Variants in GATAD2A observed in about 807,000 individuals in gnomAD.
GATAD2A encodes transcriptional repressor p66-alpha.
In GATAD2A, 12 loss-of-function variants were observed where a neutral mutation model predicts 68.5. That is an observed-to-expected ratio of 0.18 (90% CI 0.11 to 0.28). GATAD2A has a LOEUF of 0.28. Among genes scored for constraint, GATAD2A ranks in the 10% least tolerant of loss-of-function variants. The pLI is 1.00. For synonymous variants in GATAD2A, 410 were observed against 375.3 expected, an observed-to-expected ratio of 1.09 and a Z score of -1.07; for missense variants, 755 against 868.5, an observed-to-expected ratio of 0.87 and a Z score of 1.64.
At chr19:19,418,462 T>G (rs767244402) in intron 1 of GATAD2A, among the ~76,000 whole-genome samples, 1 of 152,192 alleles carries the variant, frequency 6.6e-6, no homozygotes, top group African/African-American at 2.4e-5. Context: ...TAGCAGCAGA[T>G]GGATGGAAGT....
At chr19:19,458,428 A>G (rs576187823) in intron 1 of GATAD2A, 2 of 152,368 alleles carry the variant, frequency 1.3e-5, no homozygotes, top group African/African-American at 4.8e-5. Context: ...CACATGCTTC[A>G]TGAGTCTAAT....
intron 7 of GATAD2A, 64 bp downstream of exon 7, chr19:19,496,283 A>AGCTC: frequency 1.4e-6 from 2 of 1,452,866 alleles, no homozygotes; most frequent in Non-Finnish European, 1.9e-6. Flanking sequence ...CTCCCCTTGG[A>AGCTC]CCCAGGTTCT....
intron 1 of GATAD2A, chr19:19,429,342 C>T (rs548082266): frequency 2.8e-4 from 148 of 525,596 alleles, no homozygotes; most frequent in African/African-American, 2.6e-3. Flanking sequence ...GGGAACGGTG[C>T]GTGCAAAGGT....
At position 19,500,693 on chromosome 19, in the gene GATAD2A, A is replaced by G. The variant is rs73532138; in HGVS notation, c.1205-425A>G. Among the ~76,000 whole-genome samples, 1,104 of 152,306 alleles carry G rather than the reference A, an allele frequency of 7.2e-3. 12 individuals carry two copies. Among genetic ancestry groups the G allele is most frequent in the African/African-American group, 0.024 (1,015 of 41,560 alleles). On this transcript the variant is annotated intron_variant, in intron 8 of 11. Coordinates refer to ENST00000683918, the MANE Select transcript of GATAD2A (RefSeq NM_001384528.1). ...CTGCCACTGAGTGACAATGTGATCTACAGGTCACTTGGTCTCTCTTGGCCT... is the reference window on the plus strand; with the variant it reads ...CTGCCACTGAGTGACAATGTGATCTGCAGGTCACTTGGTCTCTCTTGGCCT...
At chr19:19,476,903 A>G (rs1465553287) in intron 2 of GATAD2A, among the ~76,000 whole-genome samples, 1 of 152,140 alleles carries the variant, frequency 6.6e-6, no homozygotes, top group Non-Finnish European at 1.5e-5. Context: ...CTCTCTTAAG[A>G]TGAGCATATG....
intron 1 of GATAD2A, among the ~76,000 whole-genome samples, chr19:19,406,253 G>GC (rs2050230074): frequency 6.6e-6 from 1 of 151,946 alleles, no homozygotes; most frequent in South Asian, 2.1e-4. Context: ...GCCGGGCGGG[G>GC]GTCCCGGAAA....
At chr19:19,462,570 A>G (rs1001386742) in intron 1 of GATAD2A, among the ~76,000 whole-genome samples, 2 of 152,168 alleles carry the variant, frequency 1.3e-5, no homozygotes, top group Non-Finnish European at 2.9e-5. Context: ...TAGGCTTCAT[A>G]GTGAGCTGCT....
At chr19:19,392,480 C>T (rs1208684730) in intron 1 of GATAD2A, among the ~76,000 whole-genome samples, 2 of 151,454 alleles carry the variant, frequency 1.3e-5, no homozygotes, top group Non-Finnish European at 2.9e-5. Flanking sequence ...GCAACCTCCA[C>T]CTCCTGGGTT....
intron 2 of GATAD2A, chr19:19,474,096 A>C: frequency 3.0e-6 from 3 of 985,372 alleles, no homozygotes; most frequent in Non-Finnish European, 3.6e-6. Context: ...TTCTGTGCCA[A>C]AATGGGGCCA....
At chr19:19,455,309 G>C (rs1039531381) in intron 1 of GATAD2A, among the ~76,000 whole-genome samples, 10 of 152,090 alleles carry the variant, frequency 6.6e-5, no homozygotes, top group Admixed American at 6.6e-4. Context: ...GGGCAACACA[G>C]TGAAACCCCG....
intron 9 of GATAD2A, 109 bp from the exon 10 acceptor site, chr19:19,501,860 G>A: frequency 5.2e-6 from 4 of 765,770 alleles, no homozygotes; most frequent in Non-Finnish European, 8.8e-6. Context: ...ATCCCCACTT[G>A]GCGCCTAAAG....
intron 2 of GATAD2A, among the ~76,000 whole-genome samples, chr19:19,471,135 A>G (rs927927949): frequency 1.3e-5 from 2 of 151,964 alleles, no homozygotes; most frequent in Non-Finnish European, 2.9e-5. Flanking sequence ...GTGCACCTGT[A>G]GTCCCAGCTA....
At chr19:19,448,085 G>A (rs1008534439) in intron 1 of GATAD2A, among the ~76,000 whole-genome samples, 12 of 152,226 alleles carry the variant, frequency 7.9e-5, no homozygotes, top group Non-Finnish European at 1.0e-4. Flanking sequence ...GTAACCCTTC[G>A]TAGGCCACGT....
At chr19:19,470,102 A>G (rs1222245405) in intron 2 of GATAD2A, among the ~76,000 whole-genome samples, 10 of 151,666 alleles carry the variant, frequency 6.6e-5, no homozygotes, top group Non-Finnish European at 1.5e-4. Flanking sequence ...GATAAAAGAC[A>G]CTTTAAGACC....
intron 1 of GATAD2A, among the ~76,000 whole-genome samples, chr19:19,438,451 C>T (rs567382263): frequency 7.9e-5 from 12 of 152,300 alleles, no homozygotes; most frequent in Middle Eastern, 3.4e-3. Flanking sequence ...CACAGCCAGC[C>T]CAGGGAAGTG....
chr19:19,407,835 G>A (rs1431625400), intron 1 of GATAD2A, among the ~76,000 whole-genome samples: 1 of 152,198 alleles, frequency 6.6e-6, no homozygotes, highest in African/African-American at 2.4e-5. Flanking sequence ...TAGGATGTGG[G>A]AAATTTGCAA....
intron 1 of GATAD2A, chr19:19,436,270 C>A: frequency 1.0e-6 from 1 of 1,000,510 alleles, no homozygotes; most frequent in Non-Finnish European, 1.5e-6. Flanking sequence ...ACGCATCCAG[C>A]AGGCTTCGGT....
intron 1 of GATAD2A, among the ~76,000 whole-genome samples, chr19:19,386,459 T>A (rs1433857577): frequency 6.7e-6 from 1 of 149,892 alleles, no homozygotes; most frequent in East Asian, 2.0e-4. Context: ...AGGCAGGGGA[T>A]CCCATCTTTC....
chr19:19,416,242 C>T (rs930685306), intron 1 of GATAD2A, among the ~76,000 whole-genome samples: 2 of 152,202 alleles, frequency 1.3e-5, no homozygotes, highest in Non-Finnish European at 2.9e-5. Context: ...GCACTGGGCT[C>T]CAGTGGTTGA....
Sources: allele counts gnomAD v4.1 joint callset (sites outside exome capture counted in the v4.1 genomes callset), GRCh38; gene constraint gnomAD v4.1.1; transcripts MANE v1.5; gene names NCBI Gene and HGNC (gene_info 2026-07-23, HGNC 2026-07-21).